PRKAR1B: variants seen among roughly 807,000 people sequenced by gnomAD.
PRKAR1B encodes the protein cAMP-dependent protein kinase type I-beta regulatory subunit.
PRKAR1B carries 22 observed loss-of-function variants against 46.5 expected under a neutral mutation model. The observed-to-expected ratio is 0.47, with a 90% confidence interval of 0.34 to 0.68. The LOEUF is 0.68. Among genes scored for constraint, PRKAR1B ranks in the 30% least tolerant of loss-of-function variants. The pLI, the probability that PRKAR1B is intolerant of heterozygous loss-of-function variation, is 0.01. For synonymous variants in PRKAR1B, 259 were observed against 217.7 expected (o/e 1.19, Z -1.67); for missense variants, 445 against 535.6 (o/e 0.83, Z 1.67).
At chr7:632,643 GC>G (rs905374632) in intron 4 of PRKAR1B, among the ~76,000 whole-genome samples, 2 of 152,214 alleles carry the variant, frequency 1.3e-5, no homozygotes, top group African/African-American at 4.8e-5. Context: ...TGATGCTGCT[GC>G]GTGTCTGCTC....
intron 9 of PRKAR1B, among the ~76,000 whole-genome samples, chr7:569,086 G>A (rs1372805834): frequency 5.3e-5 from 8 of 151,498 alleles, no homozygotes; most frequent in Non-Finnish European, 1.2e-4. Flanking sequence ...AAAAATCAGA[G>A]AGAAAATATC....
intron 4 of PRKAR1B, among the ~76,000 whole-genome samples, chr7:665,476 T>A (rs1785858074): frequency 6.6e-6 from 1 of 152,182 alleles, no homozygotes; most frequent in Admixed American, 6.5e-5. Context: ...TGATGCAAGC[T>A]TCAAACCCCA....
At position 550,528 on chromosome 7, in the gene PRKAR1B, G is replaced by A. The variant is rs770390613; in HGVS notation, c.1048C>T (p.Leu350=). The part of the protein sequence containing the change: ...VARGPLKCVK[L]DRPRFERVLG... ...ACACGCTCGAAGCGGGGCCGGTCCA[G>A]CTTCACACACTTGAGGGGCCCCCGG... The change falls in exon 11 of 11, where the codon CTG becomes TTG. Residue 350 remains leucine, a synonymous_variant. Transcript: ENST00000537384. 2 of 1,605,454 alleles carry A rather than the reference G, an allele frequency of 1.2e-6. No individual in the cohort carries two copies. Among genetic ancestry groups the A allele is most frequent in the Non-Finnish European group, 1.7e-6 (2 of 1,176,502 alleles).
At chr7:588,624 A>G (rs1780758910) in intron 7 of PRKAR1B, among the ~76,000 whole-genome samples, 3 of 141,840 alleles carry the variant, frequency 2.1e-5, no homozygotes, top group African/African-American at 5.3e-5. Flanking sequence ...GGTGATGGTG[A>G]TGGTGGTGAT....
intron 4 of PRKAR1B, among the ~76,000 whole-genome samples, chr7:643,263 G>A (rs746373202): frequency 4.6e-5 from 7 of 151,418 alleles, no homozygotes; most frequent in Non-Finnish European, 7.4e-5. Flanking sequence ...GAGAAATACC[G>A]CAAGATTTAC....
intron 4 of PRKAR1B, among the ~76,000 whole-genome samples, chr7:662,876 C>T (rs1275023715): frequency 6.6e-6 from 1 of 152,290 alleles, no homozygotes; most frequent in African/African-American, 2.4e-5. Context: ...CTCTCACCCT[C>T]GGAGCGGCCA....
chr7:721,902 T>C (rs1249744342), intron 1 of PRKAR1B, among the ~76,000 whole-genome samples: 3 of 152,132 alleles, frequency 2.0e-5, no homozygotes, highest in Non-Finnish European at 4.4e-5. Flanking sequence ...TCATTCAAAC[T>C]GGTGTTCCTC....
chr7:622,299 A>AG (rs1350595919), intron 4 of PRKAR1B, among the ~76,000 whole-genome samples: 2 of 152,226 alleles, frequency 1.3e-5, no homozygotes, highest in Non-Finnish European at 1.5e-5. Flanking sequence ...AAGAGCAGCG[A>AG]GGTGAGGGGT....
chr7:633,872 G>A (rs936573371), intron 4 of PRKAR1B, among the ~76,000 whole-genome samples: 5 of 152,116 alleles, frequency 3.3e-5, no homozygotes, highest in African/African-American at 1.2e-4. Flanking sequence ...CCAAGACCTT[G>A]TAAACCACCT....
rs187739284 is a variant in PRKAR1B, at chr7:709,532, G to A, written c.177+1797C>T. On this transcript the variant is annotated intron_variant, in intron 2 of 10. Coordinates refer to ENST00000537384, the MANE Select transcript of PRKAR1B (RefSeq NM_001164760.2). ...ACTACAGGCGCCTGCCACCTCGCCC[G>A]GCTAATTTTTTGTATTTTTAGTAGA... 5.3e-3 allele frequency among the ~76,000 whole-genome samples: 800 copies of A among 151,944 alleles called. 2 individuals carry two copies. The highest frequency in any genetic ancestry group is 0.014 in the Middle Eastern group (4 of 294).
chr7:705,306 TAAAAAAA>T (rs1166269903), intron 2 of PRKAR1B, among the ~76,000 whole-genome samples: 1 of 109,234 alleles, frequency 9.2e-6, no homozygotes, highest in Non-Finnish European at 2.0e-5. Flanking sequence ...CTGTCTCAAT[TAAAAAAA>T]AAAAAAAGAA....
chr7:639,957 G>A (rs1317679320), intron 4 of PRKAR1B, among the ~76,000 whole-genome samples: 2 of 151,970 alleles, frequency 1.3e-5, no homozygotes, highest in Non-Finnish European at 2.9e-5. Flanking sequence ...AAGGTCAGGA[G>A]TTTGAGACCA....
At chr7:569,191 T>A (rs1294611935) in intron 9 of PRKAR1B, among the ~76,000 whole-genome samples, 1 of 152,212 alleles carries the variant, frequency 6.6e-6, no homozygotes, top group African/African-American at 2.4e-5. Context: ...AGCGGCATTT[T>A]ACTTGAAGAA....
intron 9 of PRKAR1B, among the ~76,000 whole-genome samples, chr7:573,001 G>A (rs975891485): frequency 1.3e-5 from 2 of 152,112 alleles, no homozygotes; most frequent in African/African-American, 2.4e-5. Context: ...AGCCTCCAGC[G>A]CCTGCCGAGA....
At chr7:629,730 CGAGGGCGCCACCACCCCAGGGCTGG>C in intron 4 of PRKAR1B, among the ~76,000 whole-genome samples, 1 of 74,246 alleles carries the variant, frequency 1.3e-5, no homozygotes, top group Non-Finnish European at 2.6e-5. Flanking sequence ...CCACGGCCTC[CGAGGGCGCCACCACCCCAGGGCTGG>C]AAAACGCTGC....
rs1217773461 is a variant in PRKAR1B, at chr7:637,347, G to C, written c.441-29895C>G. The stretch of plus-strand genomic sequence containing the variant: ...CGGGAGAATCGCTTGAACCAGGGAG[G>C]TGGAGATTGCAATGAGCCGAGATTG... On this transcript the variant is annotated intron_variant, in intron 4 of 10. Transcript: ENST00000537384. 2.0e-5 allele frequency among the ~76,000 whole-genome samples: 3 copies of C among 152,096 alleles called. No homozygotes were observed. In the East Asian group the frequency reaches 5.8e-4, roughly 29 times the overall value.
chr7:584,527 G>A lies in PRKAR1B; in HGVS notation c.750C>T (p.Leu250=). 1 of 1,613,920 alleles carries A rather than the reference G, an allele frequency of 6.2e-7. No homozygotes were observed. Among genetic ancestry groups the A allele is most frequent in the Non-Finnish European group, 8.5e-7 (1 of 1,179,990 alleles). Residue 250 remains leucine, a synonymous_variant, in exon 8 of 11, where the codon CTC becomes CTT. Coordinates refer to ENST00000537384, the MANE Select transcript of PRKAR1B (RefSeq NM_001164760.2). Reference sequence around the variant, plus strand: ...ACTGACCTAGGATGGAGACCTTGCTGAGGAACTCCTCGTACATCTTGCGTT... The same window carrying A: ...ACTGACCTAGGATGGAGACCTTGCTAAGGAACTCCTCGTACATCTTGCGTT... ...LRKRKMYEEF[L]SKVSILESLE... is the part of the protein sequence containing the mutation.
intron 1 of PRKAR1B, chr7:726,922 G>A: frequency 7.4e-7 from 1 of 1,345,936 alleles, no homozygotes; most frequent in Non-Finnish European, 9.6e-7. Context: ...CGACCCCACC[G>A]CTTTCCAGGG....
chr7:628,873 G>A (rs936459743), intron 4 of PRKAR1B, among the ~76,000 whole-genome samples: 32 of 151,062 alleles, frequency 2.1e-4, no homozygotes, highest in African/African-American at 7.1e-4. Flanking sequence ...GACCCCCCAA[G>A]TCAGGCTCAA....
Sources: gnomAD v4.1 joint callset for allele counts (sites outside exome capture counted in the v4.1 genomes callset) on GRCh38, gnomAD v4.1.1 for gene constraint, MANE v1.5 for transcripts, NCBI Gene and HGNC (gene_info 2026-07-23, HGNC 2026-07-21) for gene names.